DNAH11: variants seen among roughly 807,000 people sequenced by gnomAD.
DNAH11 encodes axonemal beta dynein heavy chain 11.
A neutral mutation model predicts 526.0 loss-of-function variants in DNAH11; 442 were observed. The ratio of observed to expected loss-of-function variants is 0.84; its 90% CI spans 0.78 to 0.91. The LOEUF (loss-of-function observed/expected upper bound fraction) is 0.91. Ranked by LOEUF, DNAH11 falls within the 40% of genes least tolerant of loss-of-function variation. The probability of loss-of-function intolerance (pLI) is 0.00; values close to 1 mark genes in which losing one functional copy is unlikely to be tolerated. For missense variants in DNAH11, 6,989 were observed against 5,448.7 expected, an observed-to-expected ratio of 1.28 and a Z score of -8.90; for synonymous variants, 2,461 against 1,935.9, an observed-to-expected ratio of 1.27 and a Z score of -7.12.
intron 69 of DNAH11, among the ~76,000 whole-genome samples, chr7:21,863,363 G>T (rs1277401114): frequency 6.6e-6 from 1 of 152,190 alleles, no homozygotes; most frequent in African/African-American, 2.4e-5. Flanking sequence ...GAGTCTCGCT[G>T]TGTCGCCAGG....
At chr7:21,606,386 G>T in intron 18 of DNAH11, 40 bp from the exon 19 acceptor site, 1 of 1,467,500 alleles carries the variant, frequency 6.8e-7, no homozygotes. Context: ...TTTGTTTTAG[G>T]AATTGAAGTA....
At chr7:21,864,376 C>G (rs1783189347) in intron 69 of DNAH11, among the ~76,000 whole-genome samples, 159 bp from the exon 70 acceptor site, 1 of 152,176 alleles carries the variant, frequency 6.6e-6, no homozygotes, top group African/African-American at 2.4e-5. Flanking sequence ...TTGACATAAT[C>G]TAAGATTCCC....
chr7:21,805,048 G>A (rs6954728), intron 62 of DNAH11, among the ~76,000 whole-genome samples: 67,213 of 151,852 alleles, frequency 0.44, 16,059 homozygotes, highest in East Asian at 0.75. Flanking sequence ...TTCCCAGGCA[G>A]TCACATCACT....
intron 25 of DNAH11, among the ~76,000 whole-genome samples, chr7:21,623,100 A>G (rs1786156531): frequency 1.3e-5 from 2 of 151,812 alleles, no homozygotes; most frequent in South Asian, 4.1e-4. Context: ...AGAATCTACA[A>G]TGAACTCAAA....
rs560300366 is a variant in DNAH11, at chr7:21,834,170, A to G, written c.10692-8374A>G. ...ATGTCAAGTCTTTTTTGTGACCACA[A>G]CAGAATAAAACTAGAAATCAATAAC... On this transcript the variant is annotated intron_variant, in intron 65 of 81. Coordinates refer to ENST00000409508, the MANE Select transcript of DNAH11 (RefSeq NM_001277115.2). Among the ~76,000 whole-genome samples the G allele has an allele frequency of 9.3e-4, 142 of 152,338 alleles. 1 individual carries two copies. In the South Asian group the frequency reaches 0.028, roughly 30 times the overall value.
chr7:21,784,342 T>A (rs1337336332), intron 57 of DNAH11, 85 bp from the exon 58 acceptor site: 3 of 956,996 alleles, frequency 3.1e-6, no homozygotes, highest in African/African-American at 3.2e-5. Context: ...TATTTAACAG[T>A]GCATCTGAGT....
At chr7:21,660,060 A>G (rs1782178944) in intron 30 of DNAH11, among the ~76,000 whole-genome samples, 1 of 152,092 alleles carries the variant, frequency 6.6e-6, no homozygotes, top group Non-Finnish European at 1.5e-5. Flanking sequence ...AAGTTACAGG[A>G]TTCAATTGAA....
At chr7:21,638,887 T>C in intron 27 of DNAH11, 52 bp from the exon 28 acceptor site, 2 of 1,556,142 alleles carry the variant, frequency 1.3e-6, no homozygotes, top group Non-Finnish European at 1.7e-6. Flanking sequence ...TTGCCGAAGT[T>C]TTAATGACTG....
At chr7:21,719,815 A>T (rs775268352) in intron 43 of DNAH11, among the ~76,000 whole-genome samples, 1 of 152,222 alleles carries the variant, frequency 6.6e-6, no homozygotes, top group Non-Finnish European at 1.5e-5. Flanking sequence ...TGTATAATAG[A>T]GATGAAAATC....
At chr7:21,865,451 C>G (rs1359666465) in intron 70 of DNAH11, among the ~76,000 whole-genome samples, 3 of 152,008 alleles carry the variant, frequency 2.0e-5, no homozygotes, top group Non-Finnish European at 4.4e-5. Context: ...AAAGTTTAAC[C>G]AAGAGTCTGT....
intron 54 of DNAH11, among the ~76,000 whole-genome samples, chr7:21,763,211 A>T (rs967948969): frequency 6.6e-6 from 1 of 151,834 alleles, no homozygotes; most frequent in Admixed American, 6.6e-5. Flanking sequence ...GCGTGGTGGC[A>T]AGTGTCTGTA....
intron 7 of DNAH11, 134 bp from the exon 8 acceptor site, chr7:21,571,672 A>G (rs1050997875): frequency 4.6e-6 from 3 of 652,638 alleles, no homozygotes; most frequent in Non-Finnish European, 7.0e-6. Flanking sequence ...TTCTGTCATG[A>G]AAATATTTAT....
chr7:21,611,059 G>C (rs372901608), intron 20 of DNAH11, among the ~76,000 whole-genome samples: 1 of 152,202 alleles, frequency 6.6e-6, no homozygotes, highest in African/African-American at 2.4e-5. Flanking sequence ...TGAGGACACA[G>C]GAGAGACTGG....
At chr7:21,667,582 G>A (rs760847330) in intron 30 of DNAH11, among the ~76,000 whole-genome samples, 1 of 152,046 alleles carries the variant, frequency 6.6e-6, no homozygotes, top group Non-Finnish European at 1.5e-5. Context: ...AGAGATGGAG[G>A]TAAGAGAAAA....
intron 45 of DNAH11, among the ~76,000 whole-genome samples, chr7:21,727,359 ATTG>A (rs1258432632): frequency 6.6e-6 from 1 of 152,194 alleles, no homozygotes; most frequent in African/African-American, 2.4e-5. Context: ...CTGTTCAGTG[ATTG>A]TTATTTCTGA....
intron 65 of DNAH11, among the ~76,000 whole-genome samples, chr7:21,821,262 C>T (rs962855991): frequency 2.0e-5 from 3 of 152,144 alleles, no homozygotes; most frequent in African/African-American, 4.8e-5. Context: ...CTTTAACACT[C>T]ATTTCTAAAA....
At chr7:21,814,146 G>A (rs1789661588) in intron 63 of DNAH11, among the ~76,000 whole-genome samples, 2 of 152,006 alleles carry the variant, frequency 1.3e-5, no homozygotes, top group African/African-American at 4.8e-5. Flanking sequence ...ATATAGAAAA[G>A]ATATACAAAA....
Position 21,658,816 on chromosome 7 carries a change from C to T in DNAH11, c.5113C>T (p.Gln1705Ter). 1 of 1,584,464 alleles carries T rather than the reference C, an allele frequency of 6.3e-7. No individual in the cohort carries two copies. The highest frequency in any genetic ancestry group is 1.2e-5 in the South Asian group (1 of 86,424). Residue 1705 changes from glutamine to a stop codon, truncating the protein, a stop_gained, in exon 30 of 82, where the codon CAA becomes TAA. Coordinates refer to ENST00000409508, the MANE Select transcript of DNAH11 (RefSeq NM_001277115.2). LOFTEE classifies it high-confidence loss of function. ...CVGHVETWLL[Q>*]LEQTMQETVR... The stretch of plus-strand genomic sequence containing the variant: ...TCCAAAGGTGGAAACATGGCTTCTG[C>T]AACTTGAACAGACTATGCAAGAAAC...
chr7:21,728,326 T>C (rs2965378), intron 45 of DNAH11, among the ~76,000 whole-genome samples: 1 of 136,872 alleles, frequency 7.3e-6, no homozygotes, highest in Non-Finnish European at 1.5e-5. Flanking sequence ...GGTGCAATCT[T>C]GGCTCACTGC....
Sources: allele counts gnomAD v4.1 joint callset (sites outside exome capture counted in the v4.1 genomes callset), GRCh38; gene constraint gnomAD v4.1.1; transcripts MANE v1.5; gene names NCBI Gene and HGNC (gene_info 2026-07-23, HGNC 2026-07-21).